The following ARAP2 variants were observed in gnomAD, a reference collection of about 807,000 sequenced individuals.
The protein encoded by ARAP2 is arf-GAP with Rho-GAP domain, ANK repeat and PH domain-containing protein 2.
Under a neutral mutation model 194.5 loss-of-function variants are expected in ARAP2, and 148 were observed. The ratio of observed to expected loss-of-function variants is 0.76; its 90% CI spans 0.67 to 0.87. The LOEUF (loss-of-function observed/expected upper bound fraction) is 0.87, where lower values mean the gene tolerates loss of function less well. ARAP2 is among the 40% of genes least tolerant of loss of function. The pLI, the probability that ARAP2 is intolerant of heterozygous loss-of-function variation, is 0.00. For synonymous variants in ARAP2, 695 were observed against 683.5 expected (o/e 1.02, Z -0.26); for missense variants, 2,128 against 1,989.7 (o/e 1.07, Z -1.32).
intron 5 of ARAP2, among the ~76,000 whole-genome samples, chr4:36,039,089 G>A (rs764332412): frequency 3.9e-5 from 6 of 152,224 alleles, no homozygotes; most frequent in East Asian, 3.9e-4. Flanking sequence ...AGGAGAATTC[G>A]GATATTTGTC....
chr4:36,016,492 T>C lies in ARAP2; in HGVS notation n.751-534A>G, dbSNP rs186006120. On this transcript the variant is annotated intron_variant and non_coding_transcript_variant, in intron 6 of 12. Coordinates refer to the ARAP2 transcript ENST00000503225. Reference sequence around the variant, plus strand: ...CTGTTATATTATCCTTTATAGCTCTTGCGTGCTTGAAATCTTTCAGAGTTA... The same window carrying C: ...CTGTTATATTATCCTTTATAGCTCTCGCGTGCTTGAAATCTTTCAGAGTTA... 1.4e-3 allele frequency among the ~76,000 whole-genome samples: 199 copies of C among 144,890 alleles called. 1 individual carries two copies. Among genetic ancestry groups the C allele is most frequent in the African/African-American group, 5.0e-3 (196 of 39,410 alleles).
chr4:36,114,511 T>C (rs1158332697), intron 25 of ARAP2, among the ~76,000 whole-genome samples: 1 of 152,022 alleles, frequency 6.6e-6, no homozygotes, highest in East Asian at 1.9e-4. Flanking sequence ...ATAAGAGAAT[T>C]TTTTAATCTC....
chr4:36,242,950 A>G (rs1368632021), intron 1 of ARAP2, among the ~76,000 whole-genome samples: 1 of 152,224 alleles, frequency 6.6e-6, no homozygotes, highest in Non-Finnish European at 1.5e-5. Flanking sequence ...TTTAGAAAGA[A>G]GCCAGGAAGA....
intron 19 of ARAP2, 125 bp from the exon 20 acceptor site, chr4:36,133,514 C>G (rs1725940477): frequency 1.3e-6 from 1 of 798,106 alleles, no homozygotes; most frequent in Non-Finnish European, 1.9e-6. Context: ...TCTCATCCAC[C>G]ACGAGCTTCC....
At chr4:36,232,802 A>G (rs566091411) in intron 1 of ARAP2, among the ~76,000 whole-genome samples, 1 of 152,342 alleles carries the variant, frequency 6.6e-6, no homozygotes, top group South Asian at 2.1e-4. Flanking sequence ...AAGCACTTGG[A>G]ACATGTTTAA....
intron 2 of ARAP2, among the ~76,000 whole-genome samples, chr4:36,224,290 T>C (rs992505316): frequency 7.1e-5 from 9 of 127,328 alleles, no homozygotes; most frequent in Non-Finnish European, 1.5e-4. Flanking sequence ...TGGGTCATTC[T>C]AGAGTGAAAT....
intron 9 of ARAP2, among the ~76,000 whole-genome samples, chr4:36,175,457 C>T (rs1737668026): frequency 6.6e-6 from 1 of 152,166 alleles, no homozygotes. Context: ...TGCGAAAATA[C>T]ATGAAAACGG....
At chr4:36,150,847 T>C in intron 16 of ARAP2, 53 bp downstream of exon 16, 1 of 1,559,890 alleles carries the variant, frequency 6.4e-7, no homozygotes, top group Non-Finnish European at 8.7e-7. Flanking sequence ...CATTACCTGT[T>C]ATAATTATCT....
At chr4:36,033,805 A>T (rs1233933069) in intron 5 of ARAP2, among the ~76,000 whole-genome samples, 1 of 152,098 alleles carries the variant, frequency 6.6e-6, no homozygotes. Flanking sequence ...CCTTTTATCC[A>T]TCTTGAGTTG....
intron 7 of ARAP2, among the ~76,000 whole-genome samples, chr4:36,187,889 A>C (rs745828820): frequency 6.6e-6 from 1 of 152,248 alleles, no homozygotes; most frequent in Non-Finnish European, 1.5e-5. Flanking sequence ...TCTTTAAAAC[A>C]ATCTGCTCAA....
chr4:36,241,331 T>C (rs1182729581), intron 1 of ARAP2, among the ~76,000 whole-genome samples: 1 of 152,198 alleles, frequency 6.6e-6, no homozygotes, highest in Non-Finnish European at 1.5e-5. Context: ...GGTTTAGCAA[T>C]TGTCAAAGTT....
At chr4:36,064,200 TTC>T (rs1724981257), downstream of ARAP2, among the ~76,000 whole-genome samples, 1 of 73,652 alleles carries the variant, frequency 1.4e-5, no homozygotes, top group African/African-American at 5.2e-5. Flanking sequence ...TTTTGTTTTT[TTC>T]TTTCTTTTTT....
At chr4:36,022,000 C>T (rs1308381823) in intron 5 of ARAP2, among the ~76,000 whole-genome samples, 1 of 152,168 alleles carries the variant, frequency 6.6e-6, no homozygotes, top group East Asian at 1.9e-4. Context: ...CACACACCTT[C>T]ACAGCATGGT....
At chr4:36,195,414 T>C (rs1013797487) in intron 6 of ARAP2, among the ~76,000 whole-genome samples, 16 of 152,202 alleles carry the variant, frequency 1.1e-4, no homozygotes, top group Admixed American at 9.2e-4. Flanking sequence ...ACAATAATTA[T>C]ACACTGGATA....
intron 17 of ARAP2, 47 bp from the exon 18 acceptor site, chr4:36,147,793 A>AGGG: frequency 2.1e-6 from 3 of 1,457,706 alleles, no homozygotes; most frequent in Non-Finnish European, 2.8e-6. Flanking sequence ...GAAAATAGGA[A>AGGG]ATCCCTTCCC....
chr4:36,062,857 A>G (rs891064815), downstream of ARAP2, among the ~76,000 whole-genome samples: 4 of 152,308 alleles, frequency 2.6e-5, no homozygotes, highest in African/African-American at 9.6e-5. Flanking sequence ...TATTTTAAAT[A>G]AAAAATGTTA....
intron 28 of ARAP2, among the ~76,000 whole-genome samples, chr4:36,086,558 A>G (rs1711916174): frequency 6.6e-6 from 1 of 152,122 alleles, no homozygotes. Context: ...ATTTGGCAAG[A>G]TCGCTTTACT....
chr4:36,161,640 T>G (rs1284833194), intron 11 of ARAP2, 90 bp from the exon 12 acceptor site: 3 of 1,026,626 alleles, frequency 2.9e-6, no homozygotes, highest in Non-Finnish European at 4.5e-6. Context: ...TGTCTGTGTA[T>G]GTTCGTTGCG....
chr4:36,188,896 T>C (rs1741207372), intron 7 of ARAP2, among the ~76,000 whole-genome samples: 1 of 152,214 alleles, frequency 6.6e-6, no homozygotes, highest in Non-Finnish European at 1.5e-5. Flanking sequence ...GATATCCTCT[T>C]CTGCTATTTA....
Sources: allele counts gnomAD v4.1 joint callset (sites outside exome capture counted in the v4.1 genomes callset), GRCh38; gene constraint gnomAD v4.1.1; transcripts MANE v1.5; gene names NCBI Gene and HGNC (gene_info 2026-07-23, HGNC 2026-07-21).